The following PLEKHM2 variants were observed in gnomAD, a reference collection of about 807,000 sequenced individuals.
PLEKHM2 encodes pleckstrin homology and RUN domain containing M2.
A neutral mutation model predicts 116.3 loss-of-function variants in PLEKHM2; 77 were observed. The observed-to-expected ratio is 0.66, with a 90% CI of 0.55 to 0.80. PLEKHM2 has a LOEUF of 0.80. Among genes scored for constraint, PLEKHM2 ranks in the 30% least tolerant of loss-of-function variants. The pLI, the probability that PLEKHM2 is intolerant of heterozygous loss-of-function variation, is 0.00. For synonymous variants in PLEKHM2, 562 were observed against 571.0 expected, an observed-to-expected ratio of 0.98 and a Z score of 0.22; for missense variants, 1,183 against 1,354.9, an observed-to-expected ratio of 0.87 and a Z score of 1.99.
intron 16 of PLEKHM2, 84 bp downstream of exon 16, chr1:15,731,341 T>G (rs1446938330): frequency 3.7e-6 from 4 of 1,076,810 alleles, no homozygotes; most frequent in Non-Finnish European, 5.6e-6. Flanking sequence ...CTGTTGGCAG[T>G]TCAGCCTCGC....
chr1:15,725,453 T>C lies in PLEKHM2; in HGVS notation c.849T>C (p.Ser283=), dbSNP rs1222561381. Residue 283 remains serine (S), a synonymous_variant, in exon 8 of 20, where the codon TCT becomes TCC. Coordinates refer to ENST00000375799, the MANE Select transcript of PLEKHM2 (RefSeq NM_015164.4). ...NEEPAETVSS[S]DTTPVHTTSQ... ...AGCCGGCAGAGACTGTGTCCTCCTCTGACACCACCCCCGTGCACACCACCT... is the reference window on the plus strand; with the variant it reads ...AGCCGGCAGAGACTGTGTCCTCCTCCGACACCACCCCCGTGCACACCACCT... 5 of 1,572,702 alleles carry C rather than the reference T, an allele frequency of 3.2e-6. No individual in the cohort carries two copies. The highest frequency in any genetic ancestry group is 4.3e-6 in the Non-Finnish European group (5 of 1,159,844).
At chr1:15,714,736 G>A (rs889272690) in intron 1 of PLEKHM2, among the ~76,000 whole-genome samples, 5 of 152,284 alleles carry the variant, frequency 3.3e-5, no homozygotes, top group Admixed American at 6.5e-5. Flanking sequence ...TTGAGAATAC[G>A]TTTGTCCCAA....
At chr1:15,694,450 C>T (rs1214309356) in intron 1 of PLEKHM2, among the ~76,000 whole-genome samples, 3 of 152,120 alleles carry the variant, frequency 2.0e-5, no homozygotes, top group Admixed American at 6.6e-5. Context: ...CTCTGGGCCC[C>T]GAGCTCTCCT....
chr1:15,702,415 G>GT (rs925862408), intron 1 of PLEKHM2, among the ~76,000 whole-genome samples: 34 of 148,774 alleles, frequency 2.3e-4, no homozygotes, highest in East Asian at 9.8e-4. Flanking sequence ...CTTCAGGTGG[G>GT]TTTTTTTTTT....
At chr1:15,720,666 C>T (rs911716900) in intron 6 of PLEKHM2, 1 of 170,556 alleles carries the variant, frequency 5.9e-6, no homozygotes, top group Non-Finnish European at 1.2e-5. Flanking sequence ...ATCCCAGCCC[C>T]AATTTAGCCC....
intron 8 of PLEKHM2, among the ~76,000 whole-genome samples, chr1:15,726,297 A>T (rs2068062817): frequency 6.6e-6 from 1 of 152,180 alleles, no homozygotes. Flanking sequence ...GCCAGCAGGG[A>T]CTGTCAACCA....
At chr1:15,711,794 A>T (rs1641336216) in intron 1 of PLEKHM2, among the ~76,000 whole-genome samples, 1 of 152,076 alleles carries the variant, frequency 6.6e-6, no homozygotes, top group Non-Finnish European at 1.5e-5. Context: ...GGAAAATAAT[A>T]TATAACAACA....
chr1:15,729,177 G>A lies in PLEKHM2; in HGVS notation c.2062G>A (p.Val688Met). The A allele has an allele frequency of 1.2e-6, 2 of 1,610,750 alleles. No individual in the cohort carries two copies. ...RKQFLLDTAD[V>M]ALAEFFLASL... ...GCAGTTTCTGCTGGACACGGCTGATGTGGCGCTGGCTGAGTGAGTGGCAAC... is the reference window on the plus strand; with the variant it reads ...GCAGTTTCTGCTGGACACGGCTGATATGGCGCTGGCTGAGTGAGTGGCAAC... The change falls in exon 13 of 20, where the codon GTG becomes ATG. Residue 688 changes from valine (V) to methionine (M), a missense_variant. Val to Met is a conservative substitution (Grantham distance 21). This residue lies in a region of PLEKHM2 where 594 missense variants were observed against 720.1 expected (regional missense o/e 0.82). Coordinates refer to ENST00000375799, the MANE Select transcript of PLEKHM2 (RefSeq NM_015164.4). This position sits in a 1 kb window ranked among gnomAD's most constrained non-coding sequence, Gnocchi z 4.7.
intron 1 of PLEKHM2, among the ~76,000 whole-genome samples, chr1:15,715,456 A>T (rs531767756): frequency 6.6e-6 from 1 of 152,340 alleles, no homozygotes; most frequent in South Asian, 2.1e-4. Context: ...AGCCTGGCCA[A>T]CATGGCGAAA....
chr1:15,727,922 G>A lies in PLEKHM2; in HGVS notation c.1760+90G>A. The A allele has an allele frequency of 1.6e-6, 2 of 1,255,736 alleles. No individual in the cohort carries two copies. The highest frequency in any genetic ancestry group is 1.1e-6 in the Non-Finnish European group (1 of 893,924). The allele number at this position is 1,255,736 out of a possible 1,614,324, so 77.8% of individuals were successfully genotyped here. A position where few individuals can be genotyped will look rare whatever the true frequency, so the allele number is the denominator to read the frequency against. ...TGACCTCCAGATAAATTAAGCACTA[G>A]GAAGACCTAGCCTGAGTGAGAAGGG... On this transcript the variant is annotated intron_variant, in intron 9 of 19. Transcript: ENST00000375799. The surrounding 1 kb of genome is among the most constrained non-coding windows in gnomAD (Gnocchi z 7.5).
At chr1:15,706,074 C>G (rs1268218537) in intron 1 of PLEKHM2, among the ~76,000 whole-genome samples, 1 of 152,132 alleles carries the variant, frequency 6.6e-6, no homozygotes, top group East Asian at 1.9e-4. Context: ...GAGCAAGACC[C>G]TGTCTCAAAA....
At chr1:15,716,024 G>C (rs1263671407) in intron 1 of PLEKHM2, among the ~76,000 whole-genome samples, 1 of 152,180 alleles carries the variant, frequency 6.6e-6, no homozygotes, top group Non-Finnish European at 1.5e-5. Flanking sequence ...GGTGCCTCTG[G>C]GGGACTGGGC....
At chr1:15,687,144 T>C (rs556196654) in intron 1 of PLEKHM2, among the ~76,000 whole-genome samples, 17 of 151,906 alleles carry the variant, frequency 1.1e-4, no homozygotes, top group African/African-American at 4.1e-4. Flanking sequence ...GGCTGTGTTA[T>C]GAAGATTTTG....
At chr1:15,731,368 TC>T in intron 16 of PLEKHM2, 111 bp downstream of exon 16, 1 of 823,766 alleles carries the variant, frequency 1.2e-6, no homozygotes, top group Non-Finnish European at 2.0e-6. Flanking sequence ...CCCCACCCCA[TC>T]CAGCGGCCCT....
At chr1:15,712,990 G>A (rs1191537243) in intron 1 of PLEKHM2, among the ~76,000 whole-genome samples, 4 of 152,066 alleles carry the variant, frequency 2.6e-5, no homozygotes, top group African/African-American at 9.7e-5. Flanking sequence ...TAGTAGAGAC[G>A]GGGTTTCACC....
At position 15,719,709 on chromosome 1, in the gene PLEKHM2, C is replaced by T. The variant is rs370447493; in HGVS notation, c.466-25C>T. 516 of 1,569,422 alleles carry T rather than the reference C, an allele frequency of 3.3e-4. 1 individual carries two copies. Among genetic ancestry groups the T allele is most frequent in the Non-Finnish European group, 4.0e-4 (455 of 1,144,454 alleles). On this transcript the variant is annotated intron_variant, in intron 5 of 19. Transcript: ENST00000375799. This position sits in a 1 kb window ranked among gnomAD's most constrained non-coding sequence, Gnocchi z 4.1. ...CCGCTGCACGAGGCCTCCCACCAAACGGGCCTCCTCTACTCTCTCCTCAGG... is the reference window on the plus strand; with the variant it reads ...CCGCTGCACGAGGCCTCCCACCAAATGGGCCTCCTCTACTCTCTCCTCAGG...
intron 1 of PLEKHM2, among the ~76,000 whole-genome samples, chr1:15,713,745 C>T (rs897704114): frequency 2.6e-5 from 4 of 151,664 alleles, no homozygotes; most frequent in African/African-American, 7.3e-5. Flanking sequence ...CTGCCATTCT[C>T]CTGCCTCAGC....
At chr1:15,708,164 C>A (rs769107811) in intron 1 of PLEKHM2, among the ~76,000 whole-genome samples, 3 of 151,462 alleles carry the variant, frequency 2.0e-5, no homozygotes, top group Non-Finnish European at 4.4e-5. Flanking sequence ...GGATTACCAG[C>A]GTGAGCCACT....
intron 17 of PLEKHM2, 125 bp from the exon 18 acceptor site, chr1:15,732,225 C>T: frequency 1.0e-6 from 1 of 993,104 alleles, no homozygotes; most frequent in South Asian, 1.6e-5. Flanking sequence ...CGCCTCTGCT[C>T]CCGATCCCTG....
Sources: allele counts gnomAD v4.1 joint callset (sites outside exome capture counted in the v4.1 genomes callset), GRCh38; gene constraint gnomAD v4.1.1; regional missense constraint gnomAD v4.1.1; non-coding constraint Gnocchi (gnomAD v3.1); transcripts MANE v1.5; gene names NCBI Gene and HGNC (gene_info 2026-07-23, HGNC 2026-07-21).